TPM4: variants seen among roughly 807,000 people sequenced by gnomAD.
TPM4 encodes the protein tropomyosin alpha-4 chain.
TPM4 carries 17 observed loss-of-function variants against 35.8 expected under a neutral mutation model. The ratio of observed to expected loss-of-function variants is 0.47; its 90% CI spans 0.32 to 0.71. The LOEUF is 0.71. Among genes scored for constraint, TPM4 ranks in the 30% least tolerant of loss-of-function variants. The pLI is 0.03. For missense variants in TPM4, 240 were observed against 320.9 expected, an observed-to-expected ratio of 0.75 and a Z score of 1.93; for synonymous variants, 120 against 122.9, an observed-to-expected ratio of 0.98 and a Z score of 0.15.
chr19:16,087,878 C>G, intron 3 of TPM4, 149 bp from the exon 4 acceptor site: 2 of 775,226 alleles, frequency 2.6e-6, no homozygotes, highest in Non-Finnish European at 2.1e-6. Context: ...GAGACTCCGT[C>G]CCCCTGCAAA....
At chr19:16,075,129 C>T (rs111259133), upstream of TPM4, 6,845 of 151,510 alleles carry the variant, frequency 0.045, 196 homozygotes, top group Non-Finnish European at 0.073. Context: ...GATATGATCA[C>T]CCTAATCCAG....
intron 1 of TPM4, 195 bp from the exon 2 acceptor site, chr19:16,081,718 G>A: frequency 1.7e-6 from 1 of 593,712 alleles, no homozygotes; most frequent in East Asian, 3.2e-5. Context: ...CTATGGAGTG[G>A]TAGATGTTTT....
chr19:16,079,248 T>C (rs144898942), intron 1 of TPM4, among the ~76,000 whole-genome samples: 342 of 152,326 alleles, frequency 2.2e-3, no homozygotes, highest in African/African-American at 8.0e-3. Flanking sequence ...CACCTCTGTT[T>C]GATCTTTAAA....
At chr19:16,079,209 ACTT>A (rs1390927611) in intron 1 of TPM4, among the ~76,000 whole-genome samples, 1 of 152,196 alleles carries the variant, frequency 6.6e-6, no homozygotes, top group Non-Finnish European at 1.5e-5. Context: ...AGGGCTACTC[ACTT>A]CTTAAAAGAC....
In TPM4 at chr19:16,101,619, C is replaced by T. The variant is rs2090764536; in HGVS notation, c.*273C>T. The T allele has an allele frequency of 2.8e-6, 1 of 352,966 alleles. No homozygotes were observed. The allele number at this position is 352,966 out of a possible 1,614,324, so 21.9% of individuals were successfully genotyped here. On this transcript the variant is annotated 3_prime_UTR_variant, in exon 8 of 8. Transcript: ENST00000643579. ...ATTCCTAAGGTAGGCAGGGTATTTC[C>T]TAGTAAGCATACTTTCTTAAGACGG...
At chr19:16,081,391 C>A in intron 1 of TPM4, 4 of 229,104 alleles carry the variant, frequency 1.7e-5, no homozygotes, top group Non-Finnish European at 8.1e-6. Flanking sequence ...TGTACTGGGA[C>A]ACTCGCTTTT....
At chr19:16,098,810 A>T (rs1317418036) in intron 7 of TPM4, among the ~76,000 whole-genome samples, 13 of 152,040 alleles carry the variant, frequency 8.6e-5, no homozygotes, top group South Asian at 4.1e-4. Flanking sequence ...TTTTTAAAAA[A>T]TTTTTTAATA....
upstream of TPM4, chr19:16,075,754 A>T: frequency 3.2e-6 from 1 of 310,502 alleles, no homozygotes; most frequent in Non-Finnish European, 6.0e-6. Flanking sequence ...TTTCTGGAAA[A>T]CATTTGGAGT....
chr19:16,085,497 A>G (rs1265409912), intron 2 of TPM4, among the ~76,000 whole-genome samples: 1 of 151,546 alleles, frequency 6.6e-6, no homozygotes, highest in Non-Finnish European at 1.5e-5. Context: ...GCCTGAGAGG[A>G]CAAGGCTGCC....
intron 3 of TPM4, among the ~76,000 whole-genome samples, chr19:16,087,593 A>T (rs2090572151): frequency 1.3e-5 from 2 of 151,356 alleles, no homozygotes; most frequent in Admixed American, 6.6e-5. Context: ...ATAAAAAAAT[A>T]AAAAAGAGGC....
chr19:16,076,430 G>C, upstream of TPM4: 2 of 1,348,068 alleles, frequency 1.5e-6, no homozygotes, highest in Non-Finnish European at 9.4e-7. Context: ...CAGCCGGCCC[G>C]GGGGGCGGGG....
At chr19:16,068,289 T>C (rs1477027278) in intron 2 of TPM4, among the ~76,000 whole-genome samples, 4 of 152,254 alleles carry the variant, frequency 2.6e-5, no homozygotes, top group African/African-American at 7.2e-5. Context: ...GCGATTCTCC[T>C]GCCTCAGCCT....
intron 1 of TPM4, chr19:16,079,949 A>G: frequency 5.6e-6 from 1 of 177,762 alleles, no homozygotes; most frequent in Middle Eastern, 2.2e-3. Flanking sequence ...TGATCCACCC[A>G]CCTCCGCCTC....
intron 1 of TPM4, chr19:16,080,549 G>A (rs150509482): frequency 2.6e-3 from 490 of 190,900 alleles, no homozygotes; most frequent in Middle Eastern, 5.6e-3. Flanking sequence ...AGTGGCTCAC[G>A]CCTGTAATCC....
chr19:16,076,878 C>T (rs1273249268), intron 1 of TPM4, 181 bp downstream of exon 1: 9 of 1,214,122 alleles, frequency 7.4e-6, no homozygotes, highest in Non-Finnish European at 9.3e-6. Flanking sequence ...CTTCCTCCGC[C>T]GTCCTCCTTC....
chr19:16,087,237 A>T (rs149776860), intron 3 of TPM4, among the ~76,000 whole-genome samples: 214 of 152,162 alleles, frequency 1.4e-3, no homozygotes, highest in African/African-American at 4.6e-3. Flanking sequence ...AGCTCTGACC[A>T]CGCCACTGCA....
chr19:16,093,447 G>C, intron 5 of TPM4, 89 bp from the exon 6 acceptor site: 1 of 1,472,888 alleles, frequency 6.8e-7, no homozygotes, highest in Non-Finnish European at 9.4e-7. Context: ...ACCAGCCTCA[G>C]GCTCCCAAAG....
rs1161927017 is a variant in TPM4 at position 16,088,828 on chromosome 19, G to A, written c.456-217G>A. 13 of 1,333,496 alleles carry A rather than the reference G, an allele frequency of 9.7e-6. No homozygotes were observed. The South Asian group carries it at 1.5e-4, about 15-fold the overall frequency. The allele number at this position is 1,333,496 out of a possible 1,614,324, so 82.6% of individuals were successfully genotyped here. On this transcript the variant is annotated intron_variant, in intron 4 of 7. Transcript: ENST00000643579. ...TTTCCAAGCCCTCCAAATACTCTTC[G>A]GGCGCACCTCGCCTCTGCCTGGTAT...
chr19:16,081,716 T>G, intron 1 of TPM4, 197 bp from the exon 2 acceptor site: 2 of 558,200 alleles, frequency 3.6e-6, no homozygotes, highest in Non-Finnish European at 5.6e-6. Context: ...TGCTATGGAG[T>G]GGTAGATGTT....
Sources: gnomAD v4.1 joint callset for allele counts (sites outside exome capture counted in the v4.1 genomes callset) on GRCh38, gnomAD v4.1.1 for gene constraint, MANE v1.5 for transcripts, NCBI Gene and HGNC (gene_info 2026-07-23, HGNC 2026-07-21) for gene names.